Variants in LSM6 observed in about 807,000 individuals in gnomAD.
The protein encoded by LSM6 is LSM6 homolog, U6 small nuclear RNA and mRNA degradation associated.
A neutral mutation model predicts 13.5 loss-of-function variants in LSM6; 2 were observed. The ratio of observed to expected loss-of-function variants is 0.15; its 90% CI spans 0.06 to 0.47. The LOEUF is 0.47. LSM6 is among the 20% of genes least tolerant of loss of function. The pLI, the probability that LSM6 is intolerant of heterozygous loss-of-function variation, is 0.97. For synonymous variants in LSM6, 43 were observed against 34.9 expected (o/e 1.23, Z -0.82); for missense variants, 58 against 96.4 (o/e 0.60, Z 1.67).
rs755188217 is a variant in LSM6, at chr4:146,187,259, T to G, written c.95-15T>G. 1 of 1,491,784 alleles carries G rather than the reference T, an allele frequency of 6.7e-7. No individual in the cohort carries two copies. Among genetic ancestry groups the G allele is most frequent in the African/African-American group, 1.4e-5 (1 of 72,548 alleles). 92.4% of individuals were successfully genotyped at this position (1,491,784 alleles called of 1,614,324 possible). On this transcript the variant is annotated splice_polypyrimidine_tract_variant and intron_variant, in intron 2 of 3. Transcript: ENST00000296581. ...TTGCCTTGTGTATCTTCTTTTTGAC[T>G]AAATATGTCTGCAGGGGTCCTGGCT...
At position 146,191,290 on chromosome 4, in the gene LSM6, A is replaced by C. The variant is rs1328035159; in HGVS notation, c.*1634A>C. The C allele has an allele frequency of 6.6e-6, 1 of 152,162 alleles. No homozygotes were observed. Among genetic ancestry groups the C allele is most frequent in the East Asian group, 1.9e-4 (1 of 5,196 alleles). 9.4% of individuals were successfully genotyped at this position (152,162 alleles called of 1,614,324 possible). A position where few individuals can be genotyped will look rare whatever the true frequency, so the allele number is the denominator to read the frequency against. ...GGTTATTGTGTCCCTTCATTCACTT[A>C]TATCAGCCACCTCTAAAAGCAATTC... On this transcript the variant is annotated 3_prime_UTR_variant, in exon 4 of 4. Transcript: ENST00000296581.
intron 2 of LSM6, among the ~76,000 whole-genome samples, chr4:146,186,594 T>C (rs1270694940): frequency 6.6e-6 from 1 of 152,238 alleles, no homozygotes; most frequent in Non-Finnish European, 1.5e-5. Context: ...CGAATGTTTT[T>C]GGCCATTTTC....
chr4:146,182,885 ATTG>A, intron 1 of LSM6, 24 bp from the exon 2 acceptor site: 1 of 1,352,490 alleles, frequency 7.4e-7, no homozygotes, highest in South Asian at 1.2e-5. Context: ...TTTACCTTTT[ATTG>A]TTCCTTTTCA....
intron 3 of LSM6, among the ~76,000 whole-genome samples, chr4:146,189,242 T>G (rs1306388478): frequency 6.6e-6 from 1 of 152,158 alleles, no homozygotes; most frequent in Non-Finnish European, 1.5e-5. Flanking sequence ...ATCCACCCGC[T>G]TCAGCCTCCC....
At chr4:146,176,626 A>T (rs1359615517) in intron 1 of LSM6, 1 of 151,884 alleles carries the variant, frequency 6.6e-6, no homozygotes, top group African/African-American at 2.4e-5. Context: ...ATGTTTAATC[A>T]CTTAACAGTG....
At chr4:146,181,101 A>G (rs1730221915) in intron 1 of LSM6, 1 of 152,244 alleles carries the variant, frequency 6.6e-6, no homozygotes, top group Non-Finnish European at 1.5e-5. Context: ...TTGTGGAGCT[A>G]ATAAAATAAG....
intron 1 of LSM6, among the ~76,000 whole-genome samples, chr4:146,182,587 T>C (rs17757522): frequency 0.22 from 33,739 of 152,204 alleles, 4,703 homozygotes; most frequent in Middle Eastern, 0.31. Context: ...TTGTAATGGG[T>C]ATACTGACTA....
At chr4:146,187,742 C>T (rs1467336818) in intron 3 of LSM6, among the ~76,000 whole-genome samples, 2 of 152,180 alleles carry the variant, frequency 1.3e-5, no homozygotes, top group African/African-American at 4.8e-5. Context: ...TCCCTGCTGT[C>T]TTTGATTTGC....
At chr4:146,178,670 C>G (rs1425750509) in intron 1 of LSM6, among the ~76,000 whole-genome samples, 1 of 152,232 alleles carries the variant, frequency 6.6e-6, no homozygotes, top group Non-Finnish European at 1.5e-5. Flanking sequence ...TTCATGTCTT[C>G]TGCTCAGTGG....
At chr4:146,182,644 AAC>A (rs1211287494) in intron 1 of LSM6, among the ~76,000 whole-genome samples, 1 of 152,240 alleles carries the variant, frequency 6.6e-6, no homozygotes, top group Non-Finnish European at 1.5e-5. Flanking sequence ...TGCTTTTGTA[AAC>A]ACAGGACTTT....
chr4:146,188,754 A>G (rs952328163), intron 3 of LSM6, among the ~76,000 whole-genome samples: 17 of 152,178 alleles, frequency 1.1e-4, no homozygotes, highest in African/African-American at 4.1e-4. Flanking sequence ...GCAGAACATT[A>G]GGTAACACCA....
intron 2 of LSM6, 100 bp downstream of exon 2, chr4:146,183,115 A>G (rs988215239): frequency 4.0e-6 from 3 of 756,136 alleles, no homozygotes; most frequent in Non-Finnish European, 6.9e-6. Flanking sequence ...AGGCCAAAAA[A>G]GTACTGGTCA....
At chr4:146,187,236 G>A (rs1217854173) in intron 2 of LSM6, 38 bp from the exon 3 acceptor site, 1 of 1,168,918 alleles carries the variant, frequency 8.6e-7, no homozygotes, top group East Asian at 2.3e-5. Flanking sequence ...ACTCTTATTT[G>A]CCTTGTGTAT....
chr4:146,187,596 T>C (rs1355266120), intron 3 of LSM6: 2 of 451,824 alleles, frequency 4.4e-6, no homozygotes, highest in Non-Finnish European at 8.1e-6. Flanking sequence ...TCCCTTCCTT[T>C]AGTGATGAGG....
At chr4:146,189,570 A>T in intron 3 of LSM6, 52 bp from the exon 4 acceptor site, 1 of 1,194,528 alleles carries the variant, frequency 8.4e-7, no homozygotes, top group Non-Finnish European at 1.2e-6. Flanking sequence ...TACTATGTAT[A>T]CTTACAAGCA....
intron 1 of LSM6, chr4:146,181,436 A>G (rs1014213670): frequency 2.6e-5 from 4 of 152,186 alleles, no homozygotes; most frequent in Non-Finnish European, 5.9e-5. Flanking sequence ...CTCAGTGTGT[A>G]CATGTACATG....
Position 146,179,627 on chromosome 4 carries a change from T to C in LSM6, c.-10-3285T>C, listed in dbSNP as rs573391589. Among the ~76,000 whole-genome samples the C allele has an allele frequency of 7.9e-5, 12 of 152,316 alleles. No individual in the cohort carries two copies. In the East Asian group the frequency reaches 2.3e-3, roughly 29 times the overall value. ...CAGATGAGAAGCTTGTGAGCCCCTC[T>C]TGTCATGTGGCTTACAGTATTTTGA... is the stretch of plus-strand genomic sequence containing the variant. On this transcript the variant is annotated intron_variant, in intron 1 of 3. Coordinates refer to ENST00000296581, the MANE Select transcript of LSM6 (RefSeq NM_007080.3).
At chr4:146,177,975 C>G (rs890420729) in intron 1 of LSM6, among the ~76,000 whole-genome samples, 1 of 152,190 alleles carries the variant, frequency 6.6e-6, no homozygotes, top group African/African-American at 2.4e-5. Flanking sequence ...TCGGGAAAAT[C>G]TGCATTTTAA....
intron 2 of LSM6, among the ~76,000 whole-genome samples, chr4:146,186,927 A>G (rs984334615): frequency 6.6e-6 from 1 of 152,224 alleles, no homozygotes; most frequent in Non-Finnish European, 1.5e-5. Flanking sequence ...ATAATTGCCC[A>G]CCTTGTGCTT....
Sources: allele counts gnomAD v4.1 joint callset (sites outside exome capture counted in the v4.1 genomes callset), GRCh38; gene constraint gnomAD v4.1.1; transcripts MANE v1.5; gene names NCBI Gene and HGNC (gene_info 2026-07-23, HGNC 2026-07-21).